The following GALNS variants were observed in gnomAD, a reference collection of about 807,000 sequenced individuals.
GALNS encodes N-acetylgalactosamine-6-sulfatase.
GALNS carries 65 observed loss-of-function variants against 65.9 expected under a neutral mutation model. The observed-to-expected ratio is 0.99, with a 90% CI of 0.81 to 1.21. The LOEUF (loss-of-function observed/expected upper bound fraction) is 1.21, where lower values mean the gene tolerates loss of function less well. Ranked by LOEUF, GALNS falls within the 50% of genes most tolerant of loss-of-function variation. The pLI, the probability that GALNS is intolerant of heterozygous loss-of-function variation, is 0.00. For synonymous variants in GALNS, 346 were observed against 288.9 expected (o/e 1.20, Z -2.00); for missense variants, 776 against 700.7 (o/e 1.11, Z -1.21).
rs1213435795 is a variant in GALNS, at chr16:88,832,040, C to A, written c.960G>T (p.Glu320Asp). The A allele has an allele frequency of 1.2e-6, 2 of 1,613,884 alleles. No homozygotes were observed. The highest frequency in any genetic ancestry group is 1.7e-6 in the Non-Finnish European group (2 of 1,179,918). The change falls in exon 9 of 14, where the codon GAG becomes GAT. Residue 320 changes from glutamate to aspartate, a missense_variant. Transcript: ENST00000268695. ...GCCCTGGCCACCATGCGAGGGCAGG[C>A]TCCCTCATCCCTCCTTCAAACGTGG... is the stretch of plus-strand genomic sequence containing the variant. ...KQTTFEGGMR[E>D]PALAWWPGHV...
rs1329969272 is a variant in GALNS, at chr16:88,835,859, G to C, written c.634-10C>G. 8 of 1,613,822 alleles carry C rather than the reference G, an allele frequency of 5.0e-6. No homozygotes were observed. The highest frequency in any genetic ancestry group is 6.8e-6 in the Non-Finnish European group (8 of 1,180,004). On this transcript the variant is annotated splice_polypyrimidine_tract_variant and intron_variant, in intron 6 of 13. Transcript: ENST00000268695. ...TGAAGTCCAGGGCTTCCTATGGAGA[G>C]AGCCACACCGTCGTCCTCCAGCCTC...
At chr16:88,855,069 G>A (rs758095349) in intron 1 of GALNS, 9 of 413,522 alleles carry the variant, frequency 2.2e-5, no homozygotes, top group Non-Finnish European at 4.3e-5. Context: ...CGTAGGGTGA[G>A]TCCACATGCA....
At chr16:88,820,082 G>A (rs1028552050) in intron 12 of GALNS, among the ~76,000 whole-genome samples, 3 of 151,612 alleles carry the variant, frequency 2.0e-5, no homozygotes, top group Admixed American at 2.0e-4. Flanking sequence ...TCCTACCTCG[G>A]CCTCCCAAAG....
chr16:88,831,286 C>T (rs1419808076), intron 9 of GALNS, among the ~76,000 whole-genome samples: 995 of 87,164 alleles, frequency 0.011, 23 homozygotes, highest in African/African-American at 0.051. Flanking sequence ...GGGAGGAGAG[C>T]GGTGAGGCCG....
intron 3 of GALNS, among the ~76,000 whole-genome samples, chr16:88,841,634 G>C (rs2143004939): frequency 6.6e-6 from 1 of 152,344 alleles, no homozygotes; most frequent in South Asian, 2.1e-4. Flanking sequence ...ACCCGCCTGG[G>C]GAGTGGGAGC....
intron 1 of GALNS, 30 bp downstream of exon 1, chr16:88,856,728 G>A (rs973212293): frequency 1.3e-5 from 10 of 776,082 alleles, no homozygotes; most frequent in Non-Finnish European, 2.0e-5. Context: ...CCCCACCCCG[G>A]CCCTGCCCCG....
intron 8 of GALNS, among the ~76,000 whole-genome samples, chr16:88,832,740 T>C (rs946534670): frequency 2.6e-5 from 4 of 152,126 alleles, no homozygotes; most frequent in Non-Finnish European, 4.4e-5. Flanking sequence ...CTCTCTCAGC[T>C]TCGGGTCCCC....
At chr16:88,827,662 T>C (rs929841980) in intron 9 of GALNS, among the ~76,000 whole-genome samples, 1 of 152,202 alleles carries the variant, frequency 6.6e-6, no homozygotes, top group African/African-American at 2.4e-5. Flanking sequence ...GTCAGGCTGG[T>C]CTCGAACTCC....
chr16:88,832,913 CTACAAAAA>C (rs1214127492), intron 8 of GALNS, among the ~76,000 whole-genome samples: 2 of 151,860 alleles, frequency 1.3e-5, no homozygotes, highest in African/African-American at 4.8e-5. Context: ...AACCCCATCT[CTACAAAAA>C]TACAAAAATT....
At chr16:88,837,557 G>C (rs1052370060) in intron 5 of GALNS, 65 bp downstream of exon 5, 6 of 1,546,586 alleles carry the variant, frequency 3.9e-6, no homozygotes, top group Non-Finnish European at 5.3e-6. Context: ...TGCTAGAGGC[G>C]GGGGGCAGGC....
intron 13 of GALNS, chr16:88,815,408 CTGCGCTGCTGGGCTCAGTTCAG>C (rs1383878189): frequency 1.0e-6 from 1 of 985,374 alleles, no homozygotes. Flanking sequence ...CCAGTCCCTA[CTGCGCTGCTGGGCTCAGTTCAG>C]TGCGGTGCTG....
intron 12 of GALNS, among the ~76,000 whole-genome samples, chr16:88,820,855 C>T (rs1183993702): frequency 2.6e-5 from 4 of 152,186 alleles, no homozygotes; most frequent in Non-Finnish European, 4.4e-5. Flanking sequence ...GGGGGTGTGG[C>T]GGGCACCGGT....
At chr16:88,850,544 C>G (rs1967460221) in intron 1 of GALNS, among the ~76,000 whole-genome samples, 1 of 152,150 alleles carries the variant, frequency 6.6e-6, no homozygotes, top group Admixed American at 6.5e-5. Flanking sequence ...ACGCTCACCA[C>G]TGACTCAGAA....
chr16:88,842,045 C>G, intron 2 of GALNS, 74 bp from the exon 3 acceptor site: 1 of 1,319,596 alleles, frequency 7.6e-7, no homozygotes, highest in Non-Finnish European at 1.1e-6. Flanking sequence ...ACAAGAGCCC[C>G]AACGAGTAGA....
At chr16:88,828,621 G>A (rs1466834668) in intron 9 of GALNS, among the ~76,000 whole-genome samples, 1 of 152,236 alleles carries the variant, frequency 6.6e-6, no homozygotes, top group African/African-American at 2.4e-5. Flanking sequence ...TGGGAAGAGG[G>A]TTTCCCTTCC....
At chr16:88,816,227 G>A (rs539408644) in intron 13 of GALNS, 1 of 985,470 alleles carries the variant, frequency 1.0e-6, no homozygotes, top group Non-Finnish European at 1.2e-6. Context: ...CACCTCCCCT[G>A]CCCTGTGCCC....
chr16:88,835,095 C>T, intron 8 of GALNS, 118 bp downstream of exon 8: 2 of 1,326,768 alleles, frequency 1.5e-6, no homozygotes, highest in Non-Finnish European at 2.1e-6. Context: ...TCCCGCTGGA[C>T]CCAGAGGGAC....
At chr16:88,851,357 CT>C (rs1306170616) in intron 1 of GALNS, among the ~76,000 whole-genome samples, 2 of 151,652 alleles carry the variant, frequency 1.3e-5, no homozygotes, top group South Asian at 2.1e-4. Flanking sequence ...CTAAAAAAAA[CT>C]TTTTTTTTAA....
At chr16:88,824,223 A>G (rs1910558026) in intron 11 of GALNS, among the ~76,000 whole-genome samples, 1 of 152,068 alleles carries the variant, frequency 6.6e-6, no homozygotes, top group Non-Finnish European at 1.5e-5. Context: ...CAGGGGCCAG[A>G]AAAGACCGTG....
Sources: allele counts gnomAD v4.1 joint callset (sites outside exome capture counted in the v4.1 genomes callset), GRCh38; gene constraint gnomAD v4.1.1; transcripts MANE v1.5; gene names NCBI Gene and HGNC (gene_info 2026-07-23, HGNC 2026-07-21).